USP36: variants seen among roughly 807,000 people sequenced by gnomAD.
USP36 encodes the protein ubiquitin carboxyl-terminal hydrolase 36.
USP36 carries 59 observed loss-of-function variants against 111.5 expected under a neutral mutation model. The ratio of observed to expected loss-of-function variants is 0.53; its 90% CI spans 0.43 to 0.66. USP36 has a LOEUF of 0.66. Among genes scored for constraint, USP36 ranks in the 30% least tolerant of loss-of-function variants. The pLI, the probability that USP36 is intolerant of heterozygous loss-of-function variation, is 0.00. For synonymous variants in USP36, 628 were observed against 581.0 expected, an observed-to-expected ratio of 1.08 and a Z score of -1.16; for missense variants, 1,488 against 1,468.0, an observed-to-expected ratio of 1.01 and a Z score of -0.22.
chr17:78,812,969 A>C lies in USP36; in HGVS notation c.1298T>G (p.Leu433Arg), dbSNP rs765403001. The change falls in exon 13 of 21, where the codon CTC becomes CGC. Residue 433 changes from leucine to arginine, a missense_variant. Transcript: ENST00000449938. ...IPGSKKSPEG[L>R]ISRTGSSSLP... ...GGAGGAGGAGCCTGTCCTGGAGATG[A>C]GGCCCTCGGGACTTTTCTTAGAGCC... 8.1e-6 allele frequency: 13 copies of C among 1,614,096 alleles called. No homozygotes were observed. The Admixed American group carries it at 1.7e-4, about 21-fold the overall frequency.
Position 78,838,605 on chromosome 17 carries a change from G to C in USP36, c.-28C>G, listed in dbSNP as rs370005760. 6.6e-6 allele frequency: 1 copy of C among 152,150 alleles called. No homozygotes were observed. Among genetic ancestry groups the C allele is most frequent in the Non-Finnish European group, 1.5e-5 (1 of 68,042 alleles). 9.4% of individuals were successfully genotyped at this position (152,150 alleles called of 1,614,324 possible). A position where few individuals can be genotyped will look rare whatever the true frequency, so the allele number is the denominator to read the frequency against. ...GACTCACCTGGGATGTGCAGACTTG[G>C]GCCTGCTGTCCTACTGCGGCATGGA... On this transcript the variant is annotated 5_prime_UTR_variant, in exon 2 of 21. Transcript: ENST00000449938.
At chr17:78,795,234 T>C (rs1467697116), downstream of USP36, among the ~76,000 whole-genome samples, 3 of 152,192 alleles carry the variant, frequency 2.0e-5, no homozygotes, top group Non-Finnish European at 4.4e-5. This position sits in a 1 kb window ranked among gnomAD's most constrained non-coding sequence, Gnocchi z 4.5. Flanking sequence ...AGGAGCTGCC[T>C]CACCTCGCTT....
chr17:78,806,262 C>A lies in USP36; in HGVS notation c.2110G>T (p.Gly704Cys), dbSNP rs34121152. 6.2e-7 allele frequency: 1 copy of A among 1,613,694 alleles called. No individual in the cohort carries two copies. The highest frequency in any genetic ancestry group is 8.5e-7 in the Non-Finnish European group (1 of 1,179,948). Residue 704 changes from glycine to cysteine, a missense_variant, in exon 15 of 21, where the codon GGC (glycine) becomes TGC (cysteine). By Grantham distance (159) the Gly-to-Cys change is radical. Coordinates refer to ENST00000449938, the MANE Select transcript of USP36 (RefSeq NM_001385174.1). The part of the protein sequence containing the change: ...KKASTLWRAT[G>C]NDLRPPPPSP... Reference sequence around the variant, plus strand: ...GGGGGAGGTGGACGGAGGTCATTGCCGGTCGCCCTCCACAGGGTGCTGGCC... The same window carrying A: ...GGGGGAGGTGGACGGAGGTCATTGCAGGTCGCCCTCCACAGGGTGCTGGCC...
intron 10 of USP36, among the ~76,000 whole-genome samples, chr17:78,817,692 A>G (rs909872897): frequency 1.3e-5 from 2 of 151,606 alleles, no homozygotes; most frequent in African/African-American, 4.8e-5. Flanking sequence ...AGGTGGAGAC[A>G]GCGCCACTGC....
rs763320322 is a variant in USP36 at position 78,818,792 on chromosome 17, G to T, written c.912-14C>A. ...TTCTTCTTGCATCTATGAAGAAGGT[G>T]ATGAGAAAGATTAATGAATGATTGA... On this transcript the variant is annotated splice_polypyrimidine_tract_variant and intron_variant, in intron 9 of 20. Coordinates refer to ENST00000449938, the MANE Select transcript of USP36 (RefSeq NM_001385174.1). 4 of 1,612,740 alleles carry T rather than the reference G, an allele frequency of 2.5e-6. No individual in the cohort carries two copies. The East Asian group carries it at 8.9e-5, about 36-fold the overall frequency.
intron 13 of USP36, among the ~76,000 whole-genome samples, chr17:78,812,643 T>C (rs543907105): frequency 7.0e-6 from 1 of 143,062 alleles, no homozygotes; most frequent in Non-Finnish European, 1.5e-5. Flanking sequence ...TGAGCCGAGA[T>C]TGGAGATCGC....
intron 13 of USP36, among the ~76,000 whole-genome samples, chr17:78,810,184 T>G (rs899211730): frequency 2.0e-5 from 3 of 150,776 alleles, no homozygotes; most frequent in African/African-American, 7.3e-5. Context: ...ACCAGCGTGA[T>G]CATGGCTCAC....
At chr17:78,792,526 C>T (rs974426640), downstream of USP36, among the ~76,000 whole-genome samples, 8 of 152,122 alleles carry the variant, frequency 5.3e-5, no homozygotes, top group African/African-American at 1.9e-4. Flanking sequence ...GCAGCAGCCC[C>T]GGGGACTATT....
At chr17:78,791,165 G>A (rs1378151242), downstream of USP36, among the ~76,000 whole-genome samples, 8 of 134,898 alleles carry the variant, frequency 5.9e-5, no homozygotes, top group South Asian at 2.3e-4. Flanking sequence ...CTGGAGTTTC[G>A]CTGTTGTTGC....
At position 78,806,980 on chromosome 17, in the gene USP36, T is replaced by G; in HGVS notation, c.2064A>C (p.Lys688Asn). 1 of 1,614,020 alleles carries G rather than the reference T, an allele frequency of 6.2e-7. No individual in the cohort carries two copies. The highest frequency in any genetic ancestry group is 8.5e-7 in the Non-Finnish European group (1 of 1,179,902). The change falls in exon 14 of 21, where the codon AAA becomes AAC. Residue 688 changes from lysine to asparagine, a missense_variant. By Grantham distance (94) the Lys-to-Asn change is moderately conservative. Transcript: ENST00000449938. ...CCACCTTCTTGGCAGAAAGGGCCAG[T>G]TTTTTGGCTGGTGGAGGAGACATGG... ...ASTMSPPPAK[K>N]LALSAKKAST...
chr17:78,807,264 G>A lies in USP36; in HGVS notation c.1780C>T (p.His594Tyr), dbSNP rs2093931802. Residue 594 changes from histidine (H) to tyrosine (Y), a missense_variant, in exon 14 of 21, where the codon CAT (histidine) becomes TAT (tyrosine). This residue lies in a region of USP36 where 1,073 missense variants were observed against 994.1 expected (regional missense o/e 1.08). Coordinates refer to ENST00000449938, the MANE Select transcript of USP36 (RefSeq NM_001385174.1). ...KLLATATANG[H>Y]GLKGNDESAG... ...CTCTCGTCGTTCCCCTTCAGCCCAT[G>A]CCCGTTGGCAGTGGCTGTAGCCAGG... 6.2e-7 allele frequency: 1 copy of A among 1,614,140 alleles called. No homozygotes were observed. The highest frequency in any genetic ancestry group is 1.1e-5 in the South Asian group (1 of 91,082).
intron 5 of USP36, among the ~76,000 whole-genome samples, chr17:78,828,415 T>A (rs981350489): frequency 1.3e-5 from 2 of 152,132 alleles, no homozygotes; most frequent in Non-Finnish European, 2.9e-5. Context: ...AATTGGTACA[T>A]TCCTCATCCA....
Position 78,798,142 on chromosome 17 carries a change from C to T in USP36, c.*20+258G>A, listed in dbSNP as rs1040016032. 2.1e-6 allele frequency: 1 copy of T among 486,526 alleles called. No individual in the cohort carries two copies. The highest frequency in any genetic ancestry group is 1.9e-5 in the African/African-American group (1 of 51,808). 30.1% of individuals were successfully genotyped at this position (486,526 alleles called of 1,614,324 possible). ...AGGTGTACACACCCCACACCCAACA[C>T]ACACTACACACACCCCCTTATACAC... On this transcript the variant is annotated intron_variant, in intron 20 of 20. Coordinates refer to ENST00000449938, the MANE Select transcript of USP36 (RefSeq NM_001385174.1). The surrounding 1 kb of genome is among the most constrained non-coding windows in gnomAD (Gnocchi z 5.1).
At chr17:78,841,007 C>A (rs1395139517), upstream of USP36, 2 of 152,322 alleles carry the variant, frequency 1.3e-5, no homozygotes, top group East Asian at 3.9e-4. Flanking sequence ...CCCCGCCAGC[C>A]TACGTGATGA....
intron 6 of USP36, among the ~76,000 whole-genome samples, chr17:78,824,559 T>C (rs2067364452): frequency 6.6e-6 from 1 of 152,134 alleles, no homozygotes; most frequent in Non-Finnish European, 1.5e-5. Flanking sequence ...GAATGGTTTA[T>C]GTACAAAGGT....
chr17:78,806,939 C>T lies in USP36; in HGVS notation c.2085+20G>A, dbSNP rs368071453. 2.9e-5 allele frequency: 46 copies of T among 1,610,696 alleles called. No individual in the cohort carries two copies. The highest frequency in any genetic ancestry group is 8.0e-5 in the African/African-American group (6 of 74,988). ...GAGCTCTCCTGATACACAGCAGCGGCGAGACCCCCACACACCCACCTTCTT... is the reference window on the plus strand; with the variant it reads ...GAGCTCTCCTGATACACAGCAGCGGTGAGACCCCCACACACCCACCTTCTT... On this transcript the variant is annotated intron_variant, in intron 14 of 20. Coordinates refer to ENST00000449938, the MANE Select transcript of USP36 (RefSeq NM_001385174.1).
chr17:78,823,009 C>T (rs1253121860), intron 6 of USP36: 13 of 397,606 alleles, frequency 3.3e-5, no homozygotes, highest in South Asian at 1.3e-4. Flanking sequence ...GCTCTCTCCA[C>T]GTTTCCCACG....
downstream of USP36, among the ~76,000 whole-genome samples, chr17:78,791,322 C>T (rs982275148): frequency 4.6e-5 from 7 of 151,810 alleles, no homozygotes; most frequent in Admixed American, 2.0e-4. Context: ...TTAGTAGAGA[C>T]GGGGTTTCTC....
intron 2 of USP36, among the ~76,000 whole-genome samples, chr17:78,836,816 CACAA>C (rs2068726970): frequency 7.0e-6 from 1 of 143,416 alleles, no homozygotes; most frequent in African/African-American, 2.9e-5. Flanking sequence ...CACACACACA[CACAA>C]ACGGACACAC....
Sources: gnomAD v4.1 joint callset for allele counts (sites outside exome capture counted in the v4.1 genomes callset) on GRCh38, gnomAD v4.1.1 for gene constraint, gnomAD v4.1.1 regional missense constraint, Gnocchi (gnomAD v3.1) non-coding constraint, MANE v1.5 for transcripts, NCBI Gene and HGNC (gene_info 2026-07-23, HGNC 2026-07-21) for gene names.